GUCY2F: variants seen among roughly 807,000 people sequenced by gnomAD.
GUCY2F encodes guanylate cyclase 2F, retinal, also known as retinal guanylyl cyclase 2.
In GUCY2F, 61 loss-of-function variants were observed where a neutral mutation model predicts 73.1. The observed-to-expected ratio is 0.83, with a 90% CI of 0.68 to 1.03. GUCY2F has a LOEUF of 1.03. GUCY2F is among the 50% of genes least tolerant of loss of function. GUCY2F has a pLI of 0.00. For synonymous variants in GUCY2F, 331 were observed against 307.8 expected (o/e 1.08, Z -0.79); for missense variants, 912 against 854.3 (o/e 1.07, Z -0.84).
intron 7 of GUCY2F, among the ~76,000 whole-genome samples, chrX:109,440,910 C>G (rs1261700179): frequency 8.9e-6 from 1 of 112,158 alleles, no homozygotes. Flanking sequence ...ATTTTAAAGT[C>G]TCAGTATCAG....
chrX:109,460,246 G>A (rs1932336089), intron 3 of GUCY2F, among the ~76,000 whole-genome samples: 1 of 111,799 alleles, frequency 8.9e-6, no homozygotes, highest in African/African-American at 3.2e-5. Flanking sequence ...AAATTTCTCA[G>A]AAGGAATCAG....
chrX:109,394,041 G>C (rs112310612), intron 12 of GUCY2F, among the ~76,000 whole-genome samples: 35 of 111,753 alleles, frequency 3.1e-4, no homozygotes, highest in African/African-American at 1.1e-3. Flanking sequence ...AGCCAGTTTA[G>C]ATGCTTTGGG....
At chrX:109,447,335 T>A (rs1046487180) in intron 6 of GUCY2F, among the ~76,000 whole-genome samples, 1 of 110,874 alleles carries the variant, frequency 9.0e-6, no homozygotes, top group African/African-American at 3.3e-5. Flanking sequence ...CGTATGTTTA[T>A]TGAGGCACTA....
At chrX:109,416,329 T>C (rs1411571329) in intron 8 of GUCY2F, among the ~76,000 whole-genome samples, 1 of 111,021 alleles carries the variant, frequency 9.0e-6, no homozygotes, top group Non-Finnish European at 1.9e-5. Context: ...AATGAATATA[T>C]GGGTATAGAA....
chrX:109,474,013 G>C (rs1162072782), intron 2 of GUCY2F, among the ~76,000 whole-genome samples: 4 of 112,005 alleles, frequency 3.6e-5, no homozygotes, highest in Non-Finnish European at 7.5e-5. Flanking sequence ...ACGGAATCTT[G>C]TCAACTGGAG....
chrX:109,412,059 GTGTC>G (rs1460553118), intron 8 of GUCY2F, among the ~76,000 whole-genome samples: 1 of 112,107 alleles, frequency 8.9e-6, no homozygotes, highest in Admixed American at 9.4e-5. Context: ...ATGAAGAAAA[GTGTC>G]TGGTGAATTT....
chrX:109,418,435 A>G (rs1931294556), intron 8 of GUCY2F, among the ~76,000 whole-genome samples: 1 of 111,881 alleles, frequency 8.9e-6, no homozygotes, highest in African/African-American at 3.2e-5. Flanking sequence ...GATAAATTTC[A>G]AGATTAAATT....
At chrX:109,413,861 C>A (rs962573626) in intron 8 of GUCY2F, among the ~76,000 whole-genome samples, 3 of 111,734 alleles carry the variant, frequency 2.7e-5, no homozygotes, top group African/African-American at 9.8e-5. Flanking sequence ...GGTATGTATA[C>A]CTTTATGAAA....
intron 7 of GUCY2F, among the ~76,000 whole-genome samples, chrX:109,437,857 T>C (rs759523702): frequency 8.9e-6 from 1 of 112,862 alleles, no homozygotes; most frequent in Non-Finnish European, 1.9e-5. Flanking sequence ...TCATTCCATT[T>C]GACATTCAAA....
intron 15 of GUCY2F, among the ~76,000 whole-genome samples, chrX:109,385,994 G>T (rs1444979017): frequency 9.0e-6 from 1 of 110,626 alleles, no homozygotes; most frequent in Non-Finnish European, 1.9e-5. Flanking sequence ...GAGATAGGGG[G>T]TCTCACCATA....
intron 2 of GUCY2F, among the ~76,000 whole-genome samples, chrX:109,469,150 A>G (rs1420805292): frequency 9.0e-6 from 1 of 110,852 alleles, no homozygotes; most frequent in Non-Finnish European, 1.9e-5. Context: ...TGACACCAGC[A>G]CTTTCTCTGA....
In GUCY2F at chrX:109,395,484, T is replaced by C. The variant is rs775683912; in HGVS notation, c.2281A>G (p.Ile761Val). 3 of 1,198,051 alleles carry C rather than the reference T, an allele frequency of 2.5e-6. No homozygotes were observed. Among genetic ancestry groups the C allele is most frequent in the Non-Finnish European group, 3.4e-6 (3 of 886,398 alleles). Residue 761 changes from isoleucine to valine, a missense_variant, in exon 12 of 20, where the codon ATA becomes GTA. Ile to Val is a conservative substitution (Grantham distance 29). Transcript: ENST00000218006. ...CMMDLPAQEI[I>V]NRLKKPPPVY... ...GGAGGAGGCTTCTTAAGTCTGTTTATGATTTCTGTCCAGATGCGAGAAGAG... is the reference window on the plus strand; with the variant it reads ...GGAGGAGGCTTCTTAAGTCTGTTTACGATTTCTGTCCAGATGCGAGAAGAG...
At chrX:109,399,610 A>G (rs1249620526) in intron 10 of GUCY2F, among the ~76,000 whole-genome samples, 4 of 111,734 alleles carry the variant, frequency 3.6e-5, no homozygotes, top group Non-Finnish European at 7.5e-5. Context: ...AGAGTGTTTT[A>G]GATTGAATTA....
At chrX:109,458,689 A>T (rs769427327) in intron 3 of GUCY2F, among the ~76,000 whole-genome samples, 2 of 110,752 alleles carry the variant, frequency 1.8e-5, no homozygotes, top group Non-Finnish European at 3.8e-5. Flanking sequence ...TCTCTATTAT[A>T]TCCCCTGCAG....
chrX:109,395,562 CTT>C (rs1930687136), intron 11 of GUCY2F, 73 bp from the exon 12 acceptor site: 1 of 925,158 alleles, frequency 1.1e-6, no homozygotes, highest in African/African-American at 1.9e-5. Flanking sequence ...AGATAACTGA[CTT>C]TTAGCCAAGA....
intron 2 of GUCY2F, among the ~76,000 whole-genome samples, chrX:109,472,047 T>C (rs1932585349): frequency 9.0e-6 from 1 of 111,509 alleles, no homozygotes; most frequent in African/African-American, 3.3e-5. Flanking sequence ...TGCATTGATA[T>C]TATGTAAGTG....
At chrX:109,414,556 G>T (rs1222337282) in intron 8 of GUCY2F, among the ~76,000 whole-genome samples, 1 of 111,777 alleles carries the variant, frequency 8.9e-6, no homozygotes, top group East Asian at 2.8e-4. Context: ...ACAGACCGGG[G>T]ACAAATGATG....
intron 3 of GUCY2F, among the ~76,000 whole-genome samples, chrX:109,456,369 G>C: frequency 8.9e-6 from 1 of 111,737 alleles, no homozygotes; most frequent in Non-Finnish European, 1.9e-5. Context: ...CACACACACA[G>C]GGCAGCAAGC....
chrX:109,410,670 T>C (rs1892519451), intron 8 of GUCY2F, among the ~76,000 whole-genome samples: 1 of 112,453 alleles, frequency 8.9e-6, no homozygotes. Flanking sequence ...CAATTGTATT[T>C]TGTTGTGAAA....
Sources: allele counts gnomAD v4.1 joint callset (sites outside exome capture counted in the v4.1 genomes callset), GRCh38; gene constraint gnomAD v4.1.1; transcripts MANE v1.5; gene names NCBI Gene and HGNC (gene_info 2026-07-23, HGNC 2026-07-21).